Variants in UBE4B observed in about 807,000 individuals in gnomAD.
The protein encoded by UBE4B is ubiquitin conjugation factor E4 B.
Under a neutral mutation model 148.1 loss-of-function variants are expected in UBE4B, and 27 were observed. That is an observed-to-expected ratio of 0.18 (90% CI 0.13 to 0.25). The LOEUF is 0.25. Ranked by LOEUF, UBE4B falls within the 10% of genes least tolerant of loss-of-function variation. The pLI is 1.00. For missense variants in UBE4B, 1,170 were observed against 1,662.4 expected (o/e 0.70, Z 5.15); for synonymous variants, 596 against 619.3 (o/e 0.96, Z 0.56).
At chr1:10,126,950 T>G in intron 11 of UBE4B, 73 bp downstream of exon 11, 3 of 1,302,270 alleles carry the variant, frequency 2.3e-6, no homozygotes, top group Non-Finnish European at 3.3e-6. Flanking sequence ...CATATACTTT[T>G]CTTTCAGGTC....
intron 17 of UBE4B, among the ~76,000 whole-genome samples, chr1:10,143,486 AG>A (rs1256988471): frequency 6.6e-6 from 1 of 151,966 alleles, no homozygotes; most frequent in Non-Finnish European, 1.5e-5. Flanking sequence ...TCTGTCTCTG[AG>A]TCCTTTTTTC....
At chr1:10,166,264 A>C (rs546369275) in intron 23 of UBE4B, 34 of 152,278 alleles carry the variant, frequency 2.2e-4, no homozygotes, top group Admixed American at 1.9e-3. Context: ...GCAGTACCTG[A>C]TTGTATCCAT....
chr1:10,047,770 G>T (rs1341119329), intron 1 of UBE4B, among the ~76,000 whole-genome samples: 1 of 152,144 alleles, frequency 6.6e-6, no homozygotes, highest in African/African-American at 2.4e-5. Context: ...GGGATTACAG[G>T]CTTGAGCCAC....
intron 7 of UBE4B, among the ~76,000 whole-genome samples, chr1:10,112,721 T>A (rs1193273538): frequency 6.6e-6 from 1 of 152,242 alleles, no homozygotes; most frequent in Non-Finnish European, 1.5e-5. Context: ...CGCTTTCTCC[T>A]TCAGTATCAC....
chr1:10,114,084 A>G (rs1398413377), intron 7 of UBE4B, among the ~76,000 whole-genome samples: 5 of 151,980 alleles, frequency 3.3e-5, no homozygotes, highest in South Asian at 2.1e-4. Context: ...AAAAAGAAAA[A>G]AAAAAAAAAA....
chr1:10,117,887 C>CATATGGCCCTGATA (rs1645340501), intron 8 of UBE4B, among the ~76,000 whole-genome samples: 1 of 152,208 alleles, frequency 6.6e-6, no homozygotes, highest in East Asian at 1.9e-4. Flanking sequence ...GCCAGTGACT[C>CATATGGCCCTGATA]ATATGGCCCT....
chr1:10,105,995 C>T (rs556920637), intron 6 of UBE4B, among the ~76,000 whole-genome samples: 4 of 152,102 alleles, frequency 2.6e-5, no homozygotes, highest in African/African-American at 9.6e-5. Context: ...CATCATTCTT[C>T]GAATGGGGAC....
At chr1:10,055,366 G>T (rs570231555) in intron 1 of UBE4B, among the ~76,000 whole-genome samples, 5 of 151,520 alleles carry the variant, frequency 3.3e-5, no homozygotes, top group Admixed American at 3.3e-4. Flanking sequence ...CCAGGCTGGA[G>T]TGCACTGGCA....
At position 10,151,395 on chromosome 1, in the gene UBE4B, C is replaced by T. The variant is rs368975947; in HGVS notation, c.2760C>T (p.Cys920=). The T allele has an allele frequency of 4.3e-6, 7 of 1,614,012 alleles. No individual in the cohort carries two copies. Among genetic ancestry groups the T allele is most frequent in the Non-Finnish European group, 5.1e-6 (6 of 1,180,038 alleles). The change falls in exon 21 of 28, where the codon TGC becomes TGT. Residue 920 remains cysteine, a synonymous_variant. Coordinates refer to ENST00000343090, the MANE Select transcript of UBE4B (RefSeq NM_001105562.3). ...DIVMFLVVML[C]NQNYIRNPYL... The stretch of plus-strand genomic sequence containing the variant: ...TGATGTTCCTTGTTGTGATGTTGTG[C>T]AACCAGAACTACATCCGAAACCCAT...
intron 16 of UBE4B, among the ~76,000 whole-genome samples, chr1:10,136,101 A>G (rs530256142): frequency 6.6e-6 from 1 of 152,176 alleles, no homozygotes; most frequent in Non-Finnish European, 1.5e-5. Flanking sequence ...ATTTAATACC[A>G]TTTCGAGATT....
intron 1 of UBE4B, among the ~76,000 whole-genome samples, chr1:10,055,375 C>A (rs1239301905): frequency 6.6e-6 from 1 of 151,916 alleles, no homozygotes; most frequent in Admixed American, 6.6e-5. Context: ...AGTGCACTGG[C>A]AGCATCATAG....
intron 11 of UBE4B, 92 bp from the exon 12 acceptor site, chr1:10,129,300 T>A: frequency 8.0e-7 from 1 of 1,245,858 alleles, no homozygotes; most frequent in Non-Finnish European, 1.1e-6. Flanking sequence ...AGGGAACGAA[T>A]TTATAGCAGC....
At chr1:10,061,533 G>A (rs1644286230) in intron 1 of UBE4B, among the ~76,000 whole-genome samples, 1 of 152,162 alleles carries the variant, frequency 6.6e-6, no homozygotes, top group Non-Finnish European at 1.5e-5. Context: ...TTACAGGGGT[G>A]AGCCACCGCA....
At position 10,134,982 on chromosome 1, in the gene UBE4B, T is replaced by C; in HGVS notation, c.2026-6T>C. The C allele has an allele frequency of 6.2e-7, 1 of 1,613,274 alleles. No homozygotes were observed. The highest frequency in any genetic ancestry group is 8.5e-7 in the Non-Finnish European group (1 of 1,179,432). On this transcript the variant is annotated splice_polypyrimidine_tract_variant and splice_region_variant and intron_variant, in intron 15 of 27. Coordinates refer to ENST00000343090, the MANE Select transcript of UBE4B (RefSeq NM_001105562.3). ...TAAAAATACTTTTTCTTTTCAACTT[T>C]CACAGACAGATGATAGATTGGTGTC...
Position 10,101,118 on chromosome 1 carries a change from G to A in UBE4B, c.358G>A (p.Val120Met), listed in dbSNP as rs1202632309. Residue 120 changes from valine to methionine, a missense_variant, in exon 4 of 28, where the codon GTG becomes ATG. By Grantham distance (21) the Val-to-Met change is conservative. This residue lies in a region of UBE4B where 2 missense variants were observed against 16.4 expected (regional missense o/e 0.12). Coordinates refer to ENST00000343090, the MANE Select transcript of UBE4B (RefSeq NM_001105562.3). ...CTTTTGTACTTTAAGCATGTCCCAG[G>A]TGGATGTGGATTCAGGAATTGAAAA... The part of the protein sequence containing the change: ...GVSCEKSMSQ[V>M]DVDSGIENME... 1 of 1,614,028 alleles carries A rather than the reference G, an allele frequency of 6.2e-7. No homozygotes were observed. The highest frequency in any genetic ancestry group is 1.3e-5 in the African/African-American group (1 of 74,926).
At chr1:10,143,251 A>C (rs1006973075) in intron 17 of UBE4B, among the ~76,000 whole-genome samples, 5 of 152,174 alleles carry the variant, frequency 3.3e-5, no homozygotes, top group African/African-American at 1.2e-4. Flanking sequence ...TAAAAATATA[A>C]GTTAGCCAGG....
chr1:10,137,269 A>G (rs977320913), intron 17 of UBE4B, 64 bp downstream of exon 17: 3 of 1,600,622 alleles, frequency 1.9e-6, no homozygotes, highest in Admixed American at 1.7e-5. Flanking sequence ...GGGGCAGGCA[A>G]TTCCATTGTG....
At chr1:10,053,415 C>T (rs1459555345) in intron 1 of UBE4B, among the ~76,000 whole-genome samples, 2 of 151,824 alleles carry the variant, frequency 1.3e-5, no homozygotes, top group African/African-American at 4.8e-5. Flanking sequence ...TCCCAAAGTC[C>T]TGGGATTACA....
chr1:10,072,349 T>C (rs1322942477), intron 2 of UBE4B, 135 bp downstream of exon 2: 7 of 1,039,772 alleles, frequency 6.7e-6, no homozygotes, highest in Non-Finnish European at 9.8e-6. Flanking sequence ...AGCAGTAGTT[T>C]AAATATCATT....
Sources: allele counts gnomAD v4.1 joint callset (sites outside exome capture counted in the v4.1 genomes callset), GRCh38; gene constraint gnomAD v4.1.1; regional missense constraint gnomAD v4.1.1; transcripts MANE v1.5; gene names NCBI Gene and HGNC (gene_info 2026-07-23, HGNC 2026-07-21).